The following GRIP2 variants were observed in gnomAD, a reference collection of about 807,000 sequenced individuals.
GRIP2 encodes glutamate receptor-interacting protein 2.
In GRIP2, 58 loss-of-function variants were observed where a neutral mutation model predicts 108.3. The observed-to-expected ratio is 0.54, with a 90% confidence interval of 0.43 to 0.67. GRIP2 has a LOEUF of 0.67. Among genes scored for constraint, GRIP2 ranks in the 30% least tolerant of loss-of-function variants. The pLI, the probability that GRIP2 is intolerant of heterozygous loss-of-function variation, is 0.00. For missense variants in GRIP2, 1,278 were observed against 1,430.6 expected, an observed-to-expected ratio of 0.89 and a Z score of 1.72; for synonymous variants, 586 against 598.2, an observed-to-expected ratio of 0.98 and a Z score of 0.30.
chr3:14,592,929 T>C, the GRIP2 span, among the ~76,000 whole-genome samples: 1 of 152,118 alleles, frequency 6.6e-6, no homozygotes, highest in South Asian at 2.1e-4. Context: ...GCTACCACCA[T>C]CTGACTCGTG....
chr3:14,542,923 A>G (rs190726176), upstream of GRIP2, among the ~76,000 whole-genome samples: 1 of 152,178 alleles, frequency 6.6e-6, no homozygotes, highest in Admixed American at 6.6e-5. Context: ...TGGCACCAGC[A>G]CCGCTATTCT....
At chr3:14,574,580 G>C in the GRIP2 span, 1 of 724,656 alleles carries the variant, frequency 1.4e-6, no homozygotes, top group Non-Finnish European at 2.6e-6. Flanking sequence ...CAAAAACTTC[G>C]TCCGGGTATG....
intron 11 of GRIP2, among the ~76,000 whole-genome samples, chr3:14,516,242 GC>G (rs1353470513): frequency 2.0e-5 from 3 of 152,020 alleles, no homozygotes; most frequent in Middle Eastern, 3.4e-3. Flanking sequence ...TTTCCCTTTG[GC>G]TGCCAGGGAG....
At chr3:14,570,831 T>TA in the GRIP2 span, among the ~76,000 whole-genome samples, 1 of 152,218 alleles carries the variant, frequency 6.6e-6, no homozygotes, top group Non-Finnish European at 1.5e-5. Flanking sequence ...CAATTCAACC[T>TA]AAAATAAAGC....
chr3:14,571,608 G>A, the GRIP2 span, among the ~76,000 whole-genome samples: 1 of 152,172 alleles, frequency 6.6e-6, no homozygotes, highest in Non-Finnish European at 1.5e-5. Flanking sequence ...TAAGTAAAGT[G>A]GTCATCGAGA....
the GRIP2 span, among the ~76,000 whole-genome samples, chr3:14,563,019 A>C: frequency 2.0e-5 from 3 of 152,200 alleles, no homozygotes; most frequent in African/African-American, 7.2e-5. Flanking sequence ...GGGGGAAAAA[A>C]AAAAGGAGGG....
chr3:14,581,537 G>C, the GRIP2 span, among the ~76,000 whole-genome samples: 2 of 152,260 alleles, frequency 1.3e-5, no homozygotes, highest in Non-Finnish European at 2.9e-5. Context: ...TGAGGGACAA[G>C]CACGTGACCC....
At chr3:14,523,208 C>G in intron 5 of GRIP2, 133 bp from the exon 6 acceptor site, 1 of 678,040 alleles carries the variant, frequency 1.5e-6, no homozygotes, top group South Asian at 1.9e-5. Context: ...CATGGACCCT[C>G]TTATGAGACA....
chr3:14,546,360 T>C (rs1359304984), upstream of GRIP2, among the ~76,000 whole-genome samples: 1 of 152,114 alleles, frequency 6.6e-6, no homozygotes, highest in East Asian at 1.9e-4. Flanking sequence ...TGCTGTGACC[T>C]AACTTCTATT....
At chr3:14,533,127 G>A (rs1293779653) in intron 1 of GRIP2, among the ~76,000 whole-genome samples, 1 of 152,236 alleles carries the variant, frequency 6.6e-6, no homozygotes, top group Non-Finnish European at 1.5e-5. Flanking sequence ...CACGGATTCA[G>A]GCGACACCCC....
At chr3:14,529,257 C>G (rs917500185) in intron 1 of GRIP2, among the ~76,000 whole-genome samples, 1 of 133,200 alleles carries the variant, frequency 7.5e-6, no homozygotes, top group African/African-American at 3.0e-5. Context: ...CCAGCCTGGG[C>G]GACAGAGTGA....
intron 21 of GRIP2, among the ~76,000 whole-genome samples, chr3:14,502,858 T>C (rs570489723): frequency 2.0e-5 from 3 of 152,276 alleles, no homozygotes; most frequent in South Asian, 2.1e-4. Flanking sequence ...AGCAACCTAG[T>C]AATTGGCAAG....
chr3:14,574,363 G>A, the GRIP2 span: 110 of 955,266 alleles, frequency 1.2e-4, no homozygotes, highest in Middle Eastern at 5.7e-4. Flanking sequence ...CGCTGGTTCC[G>A]CCGCGGCCCC....
chr3:14,534,476 C>A (rs1694786392), intron 1 of GRIP2, among the ~76,000 whole-genome samples: 1 of 152,104 alleles, frequency 6.6e-6, no homozygotes, highest in Admixed American at 6.5e-5. Context: ...ATCTTTCCCA[C>A]CAATTTTCAG....
chr3:14,557,301 C>T (rs1695250932), upstream of GRIP2, among the ~76,000 whole-genome samples: 1 of 152,224 alleles, frequency 6.6e-6, no homozygotes. Flanking sequence ...CAGTAATCTC[C>T]CAGCCCTTCT....
In GRIP2 at chr3:14,507,172, C is replaced by G. The variant is rs1372385565; in HGVS notation, c.2219-192G>C. Among the ~76,000 whole-genome samples, 1 of 151,980 alleles carries G rather than the reference C, an allele frequency of 6.6e-6. No homozygotes were observed. Among genetic ancestry groups the G allele is most frequent in the Non-Finnish European group, 1.5e-5 (1 of 67,984 alleles). On this transcript the variant is annotated intron_variant, in intron 18 of 23. Transcript: ENST00000621039. The surrounding 1 kb of genome is among the most constrained non-coding windows in gnomAD (Gnocchi z 4.6). ...AGGCTCGGGGAAGCTGAGCAGCATG[C>G]CCGAGATCACACAGTGAGCACCAGT...
rs940555648 is a variant in GRIP2, at chr3:14,517,499, T to A, written c.1156+273A>T. On this transcript the variant is annotated intron_variant, in intron 10 of 23. Coordinates refer to ENST00000621039, the MANE Select transcript of GRIP2 (RefSeq NM_001080423.4). Reference sequence around the variant, plus strand: ...AGGCCACCTAATCTCTCTCTCTTTTTTTTTTTTTTTTTTTTTTTTTTAGTT... The same window carrying A: ...AGGCCACCTAATCTCTCTCTCTTTTATTTTTTTTTTTTTTTTTTTTTAGTT... Among the ~76,000 whole-genome samples, 4 of 46,192 alleles carry A rather than the reference T, an allele frequency of 8.7e-5. No homozygotes were observed. In the South Asian group the frequency reaches 4.0e-3, roughly 46 times the overall value. The allele number at this position is 46,192 out of a possible 152,430, so 30.3% of individuals were successfully genotyped here.
At chr3:14,550,479 T>C (rs1695128995) in intron 1 of GRIP2, among the ~76,000 whole-genome samples, 1 of 152,154 alleles carries the variant, frequency 6.6e-6, no homozygotes, top group Non-Finnish European at 1.5e-5. Context: ...GGTAATGAAG[T>C]GTGAGGAACA....
the GRIP2 span, among the ~76,000 whole-genome samples, chr3:14,569,910 T>C: frequency 6.6e-6 from 1 of 152,104 alleles, no homozygotes; most frequent in South Asian, 2.1e-4. Context: ...TTTATGTATA[T>C]GAACTCATTT....
Sources: allele counts gnomAD v4.1 joint callset (sites outside exome capture counted in the v4.1 genomes callset), GRCh38; gene constraint gnomAD v4.1.1; non-coding constraint Gnocchi (gnomAD v3.1); transcripts MANE v1.5; gene names NCBI Gene and HGNC (gene_info 2026-07-23, HGNC 2026-07-21).